KCMF1: variants seen among roughly 807,000 people sequenced by gnomAD.
KCMF1 encodes the protein E3 ubiquitin-protein ligase KCMF1.
In KCMF1, 3 loss-of-function variants were observed where a neutral mutation model predicts 41.1. The ratio of observed to expected loss-of-function variants is 0.07; its 90% CI spans 0.03 to 0.19. KCMF1 has a LOEUF of 0.19. Ranked by LOEUF, KCMF1 falls within the 10% of genes least tolerant of loss-of-function variation. The pLI, the probability that KCMF1 is intolerant of heterozygous loss-of-function variation, is 1.00. For synonymous variants in KCMF1, 142 were observed against 164.5 expected, an observed-to-expected ratio of 0.86 and a Z score of 1.04; for missense variants, 286 against 488.9, an observed-to-expected ratio of 0.58 and a Z score of 3.91.
intron 4 of KCMF1, among the ~76,000 whole-genome samples, chr2:85,045,053 C>T (rs1675631582): frequency 6.6e-6 from 1 of 152,050 alleles, no homozygotes; most frequent in Non-Finnish European, 1.5e-5. Context: ...TTGAAACCAA[C>T]CTGGACAACA....
intron 1 of KCMF1, among the ~76,000 whole-genome samples, chr2:84,981,329 A>G (rs1673746497): frequency 6.6e-6 from 1 of 151,856 alleles, no homozygotes; most frequent in Admixed American, 6.6e-5. Context: ...AGCTGGGACT[A>G]CAGGCACCTG....
At chr2:85,003,204 T>A (rs1017572577) in intron 1 of KCMF1, among the ~76,000 whole-genome samples, 1 of 152,208 alleles carries the variant, frequency 6.6e-6, no homozygotes, top group African/African-American at 2.4e-5. Context: ...CCGGGCGCGG[T>A]GGCTCACGCC....
chr2:85,008,335 A>ATCATATATAATAT (rs1558573516), intron 1 of KCMF1, among the ~76,000 whole-genome samples: 13 of 14,992 alleles, frequency 8.7e-4, no homozygotes, highest in African/African-American at 1.4e-3. Context: ...TATAATATAT[A>ATCATATATAATAT]ATATGATATA....
Position 85,027,792 on chromosome 2 carries a change from G to A in KCMF1, c.17-97G>A, listed in dbSNP as rs1250921604. The A allele has an allele frequency of 7.1e-6, 5 of 699,694 alleles. No homozygotes were observed. The African/African-American group carries it at 7.2e-5, about 10-fold the overall frequency. The allele number at this position is 699,694 out of a possible 1,614,324, so 43.3% of individuals were successfully genotyped here. ...AGTCATTTCTAGTCATTTTGGAAAGGACATATGAGGTTAAATGAGCACCTG... is the reference window on the plus strand; with the variant it reads ...AGTCATTTCTAGTCATTTTGGAAAGAACATATGAGGTTAAATGAGCACCTG... On this transcript the variant is annotated intron_variant, in intron 1 of 6. Transcript: ENST00000409785.
At chr2:84,999,446 C>T (rs1415112977) in intron 1 of KCMF1, among the ~76,000 whole-genome samples, 1 of 152,176 alleles carries the variant, frequency 6.6e-6, no homozygotes, top group Non-Finnish European at 1.5e-5. Context: ...CCACCACACC[C>T]GGCCTCATTT....
intron 1 of KCMF1, among the ~76,000 whole-genome samples, chr2:84,977,335 G>C (rs904810624): frequency 6.6e-6 from 1 of 152,164 alleles, no homozygotes; most frequent in Non-Finnish European, 1.5e-5. Context: ...AATGTAAGTG[G>C]ACTCCCACTG....
intron 3 of KCMF1, among the ~76,000 whole-genome samples, chr2:85,042,179 A>G (rs975512337): frequency 6.6e-6 from 1 of 152,170 alleles, no homozygotes; most frequent in Non-Finnish European, 1.5e-5. Context: ...TCTCATGAAC[A>G]TATTTAGGTT....
chr2:85,022,945 G>A (rs1674981691), intron 1 of KCMF1, among the ~76,000 whole-genome samples: 1 of 148,498 alleles, frequency 6.7e-6, no homozygotes, highest in Admixed American at 6.8e-5. Context: ...CTAGAGTGCG[G>A]TGGCTGATCT....
intron 1 of KCMF1, among the ~76,000 whole-genome samples, chr2:84,974,011 A>G (rs766334805): frequency 4.0e-5 from 6 of 151,558 alleles, no homozygotes; most frequent in Non-Finnish European, 8.8e-5. Flanking sequence ...TATTTTTAGT[A>G]GAGATCGGGT....
At chr2:84,984,517 A>G (rs972948639) in intron 1 of KCMF1, among the ~76,000 whole-genome samples, 2 of 151,046 alleles carry the variant, frequency 1.3e-5, no homozygotes, top group Non-Finnish European at 3.0e-5. Context: ...TTTTTCTTTT[A>G]TATTTAAAGA....
chr2:84,988,307 C>T (rs1444136620), intron 1 of KCMF1, among the ~76,000 whole-genome samples: 1 of 151,958 alleles, frequency 6.6e-6, no homozygotes, highest in Non-Finnish European at 1.5e-5. Context: ...AGGGGAGAAA[C>T]TAATATTAAC....
chr2:85,000,931 G>A (rs1480824878), intron 1 of KCMF1, among the ~76,000 whole-genome samples: 1 of 150,762 alleles, frequency 6.6e-6, no homozygotes, highest in Non-Finnish European at 1.5e-5. Flanking sequence ...GATAAGTGCC[G>A]CCATGCCCAG....
intron 2 of KCMF1, 74 bp downstream of exon 2, chr2:85,028,130 T>C: frequency 1.1e-6 from 1 of 911,916 alleles, no homozygotes. Context: ...GGCAAAGTGT[T>C]CTAAAACTCC....
At chr2:85,050,141 C>T (rs1186984299) in intron 6 of KCMF1, among the ~76,000 whole-genome samples, 1 of 151,882 alleles carries the variant, frequency 6.6e-6, no homozygotes, top group Non-Finnish European at 1.5e-5. Flanking sequence ...AGAGTGAGAC[C>T]CTGTCTCTAA....
chr2:85,030,227 C>T (rs777927413), intron 2 of KCMF1, among the ~76,000 whole-genome samples: 15 of 150,892 alleles, frequency 9.9e-5, no homozygotes, highest in Admixed American at 2.6e-4. Flanking sequence ...GTTTTTTATT[C>T]CTTATGTAAG....
rs34687477 is a variant in KCMF1 at position 84,982,389 on chromosome 2, C to CTTTTTTTTTTTTT, written c.16+10943_16+10955dup. 2.4e-3 allele frequency among the ~76,000 whole-genome samples: 113 copies of CTTTTTTTTTTTTT among 47,266 alleles called. 24 individuals are homozygous for CTTTTTTTTTTTTT. The highest frequency in any genetic ancestry group is 0.1 in the Middle Eastern group (2 of 20). 31.0% of individuals were successfully genotyped at this position (47,266 alleles called of 152,430 possible). ...GAGTTACAGATGTGTTCCTTATTTTCTTTTTTTTTTTTTTTTTTTTTTTTT... is the reference window on the plus strand; with the variant it reads ...GAGTTACAGATGTGTTCCTTATTTTCTTTTTTTTTTTTTTTTTTTTTTTTTTTTTTTTTTTTTT... On this transcript the variant is annotated intron_variant, in intron 1 of 6. Transcript: ENST00000409785.
chr2:84,998,568 C>CTTATTTATTTAT (rs55809220), intron 1 of KCMF1, among the ~76,000 whole-genome samples: 11 of 151,054 alleles, frequency 7.3e-5, no homozygotes, highest in East Asian at 5.9e-4. Context: ...GAGCCAACGC[C>CTTATTTATTTAT]TTATTTATTT....
At position 85,041,821 on chromosome 2, in the gene KCMF1, CA is replaced by C. The variant is rs886479198; in HGVS notation, c.325-1740del. ...TCTGGCCGGAGTTTAAAACCAAAGA[CA>C]AATCACATTGTCCTGCATCTCTCAA... On this transcript the variant is annotated intron_variant, in intron 3 of 6. Transcript: ENST00000409785. Among the ~76,000 whole-genome samples the C allele has an allele frequency of 2.2e-4, 28 of 128,974 alleles. No individual in the cohort carries two copies. The Admixed American group carries it at 2.5e-3, about 11-fold the overall frequency. The allele number at this position is 128,974 out of a possible 152,430, so 84.6% of individuals were successfully genotyped here.
chr2:85,015,387 A>G (rs924118940), intron 1 of KCMF1, among the ~76,000 whole-genome samples: 1 of 152,158 alleles, frequency 6.6e-6, no homozygotes, highest in Non-Finnish European at 1.5e-5. Context: ...ATGGCTGAGT[A>G]TAATAGTAGA....
Sources: allele counts gnomAD v4.1 joint callset (sites outside exome capture counted in the v4.1 genomes callset), GRCh38; gene constraint gnomAD v4.1.1; transcripts MANE v1.5; gene names NCBI Gene and HGNC (gene_info 2026-07-23, HGNC 2026-07-21).